NPHS2: variants seen among roughly 807,000 people sequenced by gnomAD.
NPHS2 encodes the protein podocin.
Under a neutral mutation model 37.1 loss-of-function variants are expected in NPHS2, and 36 were observed. The observed-to-expected ratio is 0.97, with a 90% CI of 0.74 to 1.28. NPHS2 has a LOEUF of 1.28. NPHS2 is among the 50% of genes most tolerant of loss of function. The pLI is 0.00. For synonymous variants in NPHS2, 196 were observed against 189.3 expected, an observed-to-expected ratio of 1.04 and a Z score of -0.29; for missense variants, 447 against 488.1, an observed-to-expected ratio of 0.92 and a Z score of 0.79.
chr1:179,565,579 TTTG>T (rs1412861514), intron 1 of NPHS2, among the ~76,000 whole-genome samples: 2 of 152,220 alleles, frequency 1.3e-5, no homozygotes, highest in African/African-American at 2.4e-5. Context: ...GTTGTTGTTT[TTTG>T]TTTTTATACT....
chr1:179,551,505 CA>C (rs1673278128), intron 7 of NPHS2, 54 bp from the exon 8 acceptor site: 4 of 1,602,482 alleles, frequency 2.5e-6, no homozygotes, highest in Non-Finnish European at 8.5e-7. Flanking sequence ...CTGAAGGCTT[CA>C]CCACTATGCA....
intron 1 of NPHS2, among the ~76,000 whole-genome samples, chr1:179,568,929 T>C (rs1403096944): frequency 9.9e-5 from 15 of 152,240 alleles, no homozygotes; most frequent in Non-Finnish European, 1.0e-4. Flanking sequence ...TTTGTTGTGA[T>C]TTCTGTTCTT....
chr1:179,562,431 T>C (rs1431195568), intron 2 of NPHS2, among the ~76,000 whole-genome samples: 4 of 152,226 alleles, frequency 2.6e-5, no homozygotes, highest in Non-Finnish European at 5.9e-5. Context: ...AAATGCCTGA[T>C]ACATTGTAAG....
intron 3 of NPHS2, among the ~76,000 whole-genome samples, chr1:179,560,544 C>T (rs969950855): frequency 6.6e-6 from 1 of 152,046 alleles, no homozygotes; most frequent in African/African-American, 2.4e-5. Context: ...TTTGTGTGGA[C>T]TCATATATTC....
In NPHS2 at chr1:179,569,482, T is replaced by G. The variant is rs146125218; in HGVS notation, c.275-4689A>C. Among the ~76,000 whole-genome samples, 1,505 of 152,306 alleles carry G rather than the reference T, an allele frequency of 9.9e-3. 21 individuals carry two copies. Among genetic ancestry groups the G allele is most frequent in the African/African-American group, 0.035 (1,441 of 41,572 alleles). ...CTGAATACAGCACACCGATGGGTCT[T>G]GACTCTTTATCCAATTTGCCAGTCT... On this transcript the variant is annotated intron_variant, in intron 1 of 7. Transcript: ENST00000367615.
chr1:179,551,598 A>G, intron 7 of NPHS2, 147 bp from the exon 8 acceptor site: 3 of 900,492 alleles, frequency 3.3e-6, no homozygotes. Flanking sequence ...CTTCTTTCTG[A>G]AGGGTCTTGA....
At chr1:179,560,673 G>T (rs1674102935) in intron 3 of NPHS2, among the ~76,000 whole-genome samples, 1 of 151,770 alleles carries the variant, frequency 6.6e-6, no homozygotes, top group Non-Finnish European at 1.5e-5. Flanking sequence ...TGCCTTCCTG[G>T]CTGACTTAGA....
Position 179,564,739 on chromosome 1 carries a change from A to G in NPHS2, c.329T>C (p.Leu110Pro). Residue 110 changes from leucine (L) to proline (P), a missense_variant, in exon 2 of 8, where the codon CTG becomes CCG. By Grantham distance (98) the Leu-to-Pro change is moderately conservative. Coordinates refer to ENST00000367615, the MANE Select transcript of NPHS2 (RefSeq NM_014625.4). ...ACEWLLVLIS[L>P]LFIIMTFPFS... ...AGGGAAGGTCATGATGATGAAGAGC[A>G]GGGAAATGAGGACAAGAAGCCACTC... is the stretch of plus-strand genomic sequence containing the variant. 1 of 1,614,190 alleles carries G rather than the reference A, an allele frequency of 6.2e-7. No individual in the cohort carries two copies. Among genetic ancestry groups the G allele is most frequent in the Middle Eastern group, 1.6e-4 (1 of 6,062 alleles).
intron 4 of NPHS2, among the ~76,000 whole-genome samples, chr1:179,559,126 G>GT (rs1257143079): frequency 6.6e-6 from 1 of 152,172 alleles, no homozygotes; most frequent in African/African-American, 2.4e-5. Flanking sequence ...CCAGGGAAGA[G>GT]TTTATCTTTT....
At chr1:179,558,141 T>TCA (rs879555444) in intron 4 of NPHS2, among the ~76,000 whole-genome samples, 1 of 152,104 alleles carries the variant, frequency 6.6e-6, no homozygotes, top group African/African-American at 2.4e-5. Flanking sequence ...CTGAATACAC[T>TCA]CATAATATTG....
Position 179,551,507 on chromosome 1 carries a change from C to A in NPHS2, c.874-56G>T, listed in dbSNP as rs538058659. On this transcript the variant is annotated intron_variant, in intron 7 of 7. Coordinates refer to ENST00000367615, the MANE Select transcript of NPHS2 (RefSeq NM_014625.4). ...TGTTCTTCATTCCCTGAAGGCTTCA[C>A]CACTATGCAGTATGACTCAGCAGAC... 2.1e-4 allele frequency: 341 copies of A among 1,602,306 alleles called. 2 individuals are homozygous for A. The South Asian group carries it at 2.6e-3, about 12-fold the overall frequency.
At chr1:179,553,112 A>C (rs1487585094) in intron 6 of NPHS2, among the ~76,000 whole-genome samples, 1 of 152,256 alleles carries the variant, frequency 6.6e-6, no homozygotes, top group East Asian at 1.9e-4. Context: ...AAATAAGAAC[A>C]ACGCTTAATG....
chr1:179,565,300 T>C (rs1209563716), intron 1 of NPHS2, among the ~76,000 whole-genome samples: 1 of 150,924 alleles, frequency 6.6e-6, no homozygotes, highest in East Asian at 1.9e-4. Flanking sequence ...AGAAAGGGAG[T>C]GGGGGTATAC....
chr1:179,552,416 G>C, intron 7 of NPHS2, 187 bp downstream of exon 7: 1 of 636,516 alleles, frequency 1.6e-6, no homozygotes, highest in Admixed American at 2.2e-5. Flanking sequence ...TTCAGAGAGG[G>C]AGAGGAGTTG....
chr1:179,558,391 A>G (rs1674016227), intron 4 of NPHS2, among the ~76,000 whole-genome samples: 1 of 152,148 alleles, frequency 6.6e-6, no homozygotes, highest in Non-Finnish European at 1.5e-5. Context: ...AGGTTCATCT[A>G]TCTTGTAGAA....
intron 4 of NPHS2, among the ~76,000 whole-genome samples, chr1:179,558,843 G>T (rs35867532): frequency 6.6e-6 from 1 of 152,028 alleles, no homozygotes; most frequent in African/African-American, 2.4e-5. Context: ...TAGTGATGCT[G>T]AGCATCTTTT....
At chr1:179,569,685 G>GTTTC (rs1168394885) in intron 1 of NPHS2, among the ~76,000 whole-genome samples, 1 of 152,162 alleles carries the variant, frequency 6.6e-6, no homozygotes, top group East Asian at 1.9e-4. Context: ...GGTACTGGTT[G>GTTTC]TTTCTTTCCA....
At chr1:179,565,297 G>C (rs1674291953) in intron 1 of NPHS2, among the ~76,000 whole-genome samples, 1 of 151,976 alleles carries the variant, frequency 6.6e-6, no homozygotes, top group African/African-American at 2.4e-5. Flanking sequence ...AAAAGAAAGG[G>C]AGTGGGGGTA....
chr1:179,561,805 A>G (rs555334207), intron 2 of NPHS2, among the ~76,000 whole-genome samples: 14 of 152,060 alleles, frequency 9.2e-5, no homozygotes, highest in East Asian at 7.7e-4. Flanking sequence ...AAATGATTCA[A>G]TTGGATTTTT....
Sources: gnomAD v4.1 joint callset for allele counts (sites outside exome capture counted in the v4.1 genomes callset) on GRCh38, gnomAD v4.1.1 for gene constraint, MANE v1.5 for transcripts, NCBI Gene and HGNC (gene_info 2026-07-23, HGNC 2026-07-21) for gene names.